Variants in RBM23 observed in about 807,000 individuals in gnomAD.
RBM23 encodes probable RNA-binding protein 23.
In RBM23, 53 loss-of-function variants were observed where a neutral mutation model predicts 56.2. That is an observed-to-expected ratio of 0.94 (90% CI 0.76 to 1.19). The LOEUF (loss-of-function observed/expected upper bound fraction) is 1.19. Ranked by LOEUF, RBM23 falls within the 50% of genes most tolerant of loss-of-function variation. RBM23 has a pLI of 0.00. For missense variants in RBM23, 642 were observed against 590.3 expected (o/e 1.09, Z -0.91); for synonymous variants, 197 against 198.5 (o/e 0.99, Z 0.06).
intron 1 of RBM23, among the ~76,000 whole-genome samples, chr14:22,912,447 T>G (rs981725134): frequency 6.6e-6 from 1 of 152,124 alleles, no homozygotes; most frequent in East Asian, 1.9e-4. Context: ...GCAGGCAAGG[T>G]AAAACGTGCC....
intron 1 of RBM23, 45 bp from the exon 2 acceptor site, chr14:22,911,448 C>T: frequency 6.6e-7 from 1 of 1,503,850 alleles, no homozygotes; most frequent in East Asian, 2.3e-5. Context: ...TTATATTTTT[C>T]CTCCCTTTCC....
rs1270223102 is a variant in RBM23, at chr14:22,900,761, T to G, written c.*969A>C. On this transcript the variant is annotated 3_prime_UTR_variant, in exon 14 of 14. Coordinates refer to ENST00000359890, the MANE Select transcript of RBM23 (RefSeq NM_001077351.2). The stretch of plus-strand genomic sequence containing the variant: ...GCAACAGCTGCCACAAGGAGGAGGC[T>G]TGCCTTTTGTACAAAGTTTTTATGT... 5 of 151,190 alleles carry G rather than the reference T, an allele frequency of 3.3e-5. No individual in the cohort carries two copies. Among genetic ancestry groups the G allele is most frequent in the African/African-American group, 1.2e-4 (5 of 40,804 alleles). The allele number at this position is 151,190 out of a possible 1,614,324, so 9.4% of individuals were successfully genotyped here.
intron 10 of RBM23, chr14:22,903,544 A>C: frequency 1.0e-6 from 1 of 986,514 alleles, no homozygotes; most frequent in Non-Finnish European, 1.2e-6. Flanking sequence ...CCTTTACTGG[A>C]TATTTTTGAG....
In RBM23 at chr14:22,896,592, T is replaced by C. The variant is rs2040252211; in HGVS notation, c.*5138A>G. 1 of 152,200 alleles carries C rather than the reference T, an allele frequency of 6.6e-6. No homozygotes were observed. Among genetic ancestry groups the C allele is most frequent in the Non-Finnish European group, 1.5e-5 (1 of 68,046 alleles). 9.4% of individuals were successfully genotyped at this position (152,200 alleles called of 1,614,324 possible). A position where few individuals can be genotyped will look rare whatever the true frequency, so the allele number is the denominator to read the frequency against. On this transcript the variant is annotated 3_prime_UTR_variant, in exon 14 of 14. Coordinates refer to ENST00000359890, the MANE Select transcript of RBM23 (RefSeq NM_001077351.2). ...CCAGTCTTCAGGCACCTCATCCATCTACCCATTGCTCTCAAAAATAACTGC... is the reference window on the plus strand; with the variant it reads ...CCAGTCTTCAGGCACCTCATCCATCCACCCATTGCTCTCAAAAATAACTGC...
intron 2 of RBM23, among the ~76,000 whole-genome samples, chr14:22,910,883 T>C (rs763855056): frequency 3.9e-5 from 6 of 152,088 alleles, no homozygotes; most frequent in Non-Finnish European, 8.8e-5. Flanking sequence ...TGGTGGTGCT[T>C]GCCTATAATC....
rs1018296698 is a variant in RBM23 at position 22,903,393 on chromosome 14, G to A, written c.930+868C>T. ...TCCATATCTCAGTCACACAGAGAGC[G>A]AGAAAAGGTTACAAAAGTTACTTGC... On this transcript the variant is annotated intron_variant, in intron 10 of 13. Coordinates refer to ENST00000359890, the MANE Select transcript of RBM23 (RefSeq NM_001077351.2). 5.3e-5 allele frequency: 52 copies of A among 985,464 alleles called. No individual in the cohort carries two copies. The Admixed American group carries it at 2.3e-3, about 43-fold the overall frequency. The allele number at this position is 985,464 out of a possible 1,614,324, so 61.0% of individuals were successfully genotyped here.
At chr14:22,908,185 TA>T in intron 4 of RBM23, 147 bp downstream of exon 4, 1 of 797,784 alleles carries the variant, frequency 1.3e-6, no homozygotes, top group South Asian at 1.8e-5. Context: ...TACACCTGGG[TA>T]ATTTTTAAAT....
intron 10 of RBM23, 177 bp from the exon 11 acceptor site, chr14:22,902,559 G>T: frequency 1.5e-6 from 2 of 1,327,130 alleles, no homozygotes; most frequent in Non-Finnish European, 1.9e-6. Context: ...CTCTGAAAAG[G>T]ACCTTTTCCA....
Position 22,902,045 on chromosome 14 carries a change from T to TA in RBM23, c.1180_1181insT (p.Gln394LeufsTer82). The TA allele has an allele frequency of 7.0e-7, 1 of 1,418,650 alleles. No homozygotes were observed. The highest frequency in any genetic ancestry group is 9.8e-7 in the Non-Finnish European group (1 of 1,016,740). The allele number at this position is 1,418,650 out of a possible 1,614,324, so 87.9% of individuals were successfully genotyped here. A position where few individuals can be genotyped will look rare whatever the true frequency, so the allele number is the denominator to read the frequency against. ...TCCATTCAGTTGCAAGGCAGCAGCC[T>TA]GGGCGGCGGCGGCAGCAGCAGCAGC... is the stretch of plus-strand genomic sequence containing the variant. On this transcript the variant is annotated frameshift_variant, in exon 12 of 14. Coordinates refer to ENST00000359890, the MANE Select transcript of RBM23 (RefSeq NM_001077351.2). LOFTEE classifies it high-confidence loss of function.
Position 22,901,427 on chromosome 14 carries a change from T to C in RBM23, c.*303A>G, listed in dbSNP as rs980710987. On this transcript the variant is annotated 3_prime_UTR_variant, in exon 14 of 14. Transcript: ENST00000359890. ...AATGGGGGAGAAATTGAGGAATCAC[T>C]AAGGTGTTGGAAAGGGCAAGAAGGT... 8.9e-5 allele frequency: 47 copies of C among 525,622 alleles called. No individual in the cohort carries two copies. Among genetic ancestry groups the C allele is most frequent in the African/African-American group, 8.5e-4 (45 of 52,762 alleles). The allele number at this position is 525,622 out of a possible 1,614,324, so 32.6% of individuals were successfully genotyped here. A position where few individuals can be genotyped will look rare whatever the true frequency, so the allele number is the denominator to read the frequency against.
At chr14:22,918,713 C>A (rs1008051166) in intron 1 of RBM23, among the ~76,000 whole-genome samples, 13 of 152,122 alleles carry the variant, frequency 8.5e-5, no homozygotes, top group African/African-American at 2.9e-4. Context: ...CTAAGTGTCA[C>A]GGCTGCAGAG....
intron 5 of RBM23, 35 bp downstream of exon 5, chr14:22,906,160 T>C (rs1252426060): frequency 6.2e-7 from 1 of 1,609,560 alleles, no homozygotes; most frequent in Non-Finnish European, 8.5e-7. Flanking sequence ...TCCAGATTAT[T>C]ATACAAAAGT....
intron 10 of RBM23, 91 bp from the exon 11 acceptor site, chr14:22,902,473 A>G (rs527711175): frequency 6.8e-7 from 1 of 1,479,988 alleles, no homozygotes; most frequent in African/African-American, 1.4e-5. Context: ...CTATCCCAGG[A>G]AAATTGTATG....
At chr14:22,906,867 C>T (rs1041940540) in intron 4 of RBM23, among the ~76,000 whole-genome samples, 5 of 151,082 alleles carry the variant, frequency 3.3e-5, no homozygotes, top group African/African-American at 1.2e-4. Flanking sequence ...GGAGAAACTC[C>T]GTCTCTACTA....
Position 22,905,605 on chromosome 14 carries a change from C to A in RBM23, c.455+1G>T. 1 of 1,610,970 alleles carries A rather than the reference C, an allele frequency of 6.2e-7. No individual in the cohort carries two copies. The highest frequency in any genetic ancestry group is 8.5e-7 in the Non-Finnish European group (1 of 1,177,004). On this transcript the variant is annotated splice_donor_variant, in intron 6 of 13. Transcript: ENST00000359890. LOFTEE classifies it high-confidence loss of function. The stretch of plus-strand genomic sequence containing the variant: ...TAAAACAGTGTTCATTATCAACCCA[C>A]CTGACTGGGCTCTTCTCTCTGAAAT...
chr14:22,902,480 T>A (rs1339453037), intron 10 of RBM23, 98 bp from the exon 11 acceptor site: 2 of 1,468,480 alleles, frequency 1.4e-6, no homozygotes, highest in East Asian at 4.9e-5. Flanking sequence ...AGGAAAATTG[T>A]ATGCTCACTG....
rs766684862 is a variant in RBM23, at chr14:22,906,333, T to C, written c.263A>G (p.Asn88Ser). The C allele has an allele frequency of 2.0e-5, 33 of 1,614,196 alleles. No individual in the cohort carries two copies. Among genetic ancestry groups the C allele is most frequent in the Non-Finnish European group, 2.8e-5 (33 of 1,180,044 alleles). ...SRDRDRYRRR[N>S]SRSRSPGRQC... The stretch of plus-strand genomic sequence containing the variant: ...CCGACCTGGACTTCGGCTCCGACTA[T>C]TTCTCCGTCTATACCGATCCCGATC... Residue 88 changes from asparagine to serine, a missense_variant, in exon 5 of 14, where the codon AAT becomes AGT. Coordinates refer to ENST00000359890, the MANE Select transcript of RBM23 (RefSeq NM_001077351.2).
chr14:22,905,683 G>C lies in RBM23; in HGVS notation c.402-24C>G, dbSNP rs773152106. On this transcript the variant is annotated intron_variant, in intron 5 of 13. Transcript: ENST00000359890. ...AACTAAAGAATAGAGAAAAACAAAA[G>C]GTGAAACCTTATTCTCATTGGTCCA... 6 of 1,561,734 alleles carry C rather than the reference G, an allele frequency of 3.8e-6. No individual in the cohort carries two copies. In the South Asian group the frequency reaches 6.7e-5, roughly 17 times the overall value.
chr14:22,914,932 G>A (rs1303030033), intron 1 of RBM23, among the ~76,000 whole-genome samples: 3 of 137,252 alleles, frequency 2.2e-5, no homozygotes, highest in African/African-American at 8.2e-5. Context: ...GCAGTGAGCC[G>A]AGATCACACC....
Sources: gnomAD v4.1 joint callset for allele counts (sites outside exome capture counted in the v4.1 genomes callset) on GRCh38, gnomAD v4.1.1 for gene constraint, MANE v1.5 for transcripts, NCBI Gene and HGNC (gene_info 2026-07-23, HGNC 2026-07-21) for gene names.